The following DNAJB1 variants were observed in gnomAD, a reference collection of about 807,000 sequenced individuals.
DNAJB1 encodes DnaJ heat shock protein family (Hsp40) member B1.
Under a neutral mutation model 24.0 loss-of-function variants are expected in DNAJB1, and 14 were observed. The observed-to-expected ratio is 0.58, with a 90% CI of 0.39 to 0.91. DNAJB1 has a LOEUF of 0.91. Ranked by LOEUF, DNAJB1 falls within the 40% of genes least tolerant of loss-of-function variation. DNAJB1 has a pLI of 0.00. For synonymous variants in DNAJB1, 262 were observed against 174.4 expected, an observed-to-expected ratio of 1.50 and a Z score of -3.96; for missense variants, 517 against 458.1, an observed-to-expected ratio of 1.13 and a Z score of -1.17.
intron 1 of DNAJB1, among the ~76,000 whole-genome samples, chr19:14,535,586 A>G (rs1026026347): frequency 1.5e-3 from 61 of 41,064 alleles, no homozygotes; most frequent in Admixed American, 5.0e-3. Flanking sequence ...ATATATATAT[A>G]TATGTATGTA....
At chr19:14,545,375 C>T (rs985014975) in intron 1 of DNAJB1, among the ~76,000 whole-genome samples, 63 of 152,110 alleles carry the variant, frequency 4.1e-4, no homozygotes, top group African/African-American at 1.5e-3. Flanking sequence ...GCAGGGTCCT[C>T]CCGGGCACAC....
At chr19:14,560,048 C>T (rs997820232) in exon 1 of DNAJB1, among the ~76,000 whole-genome samples, 3 of 152,134 alleles carry the variant, frequency 2.0e-5, no homozygotes, top group East Asian at 3.9e-4. Context: ...CAGGTTTGGG[C>T]GTCTCCTCTC....
At chr19:14,557,332 G>A (rs182457978) in intron 1 of DNAJB1, among the ~76,000 whole-genome samples, 2 of 150,982 alleles carry the variant, frequency 1.3e-5, no homozygotes, top group East Asian at 3.9e-4. Context: ...TTAGAGACGG[G>A]GTTTCACCAT....
intron 1 of DNAJB1, chr19:14,527,898 CTTTTTTTTTT>C (rs2072464479): frequency 1.4e-5 from 2 of 147,934 alleles, no homozygotes; most frequent in Non-Finnish European, 3.0e-5. Context: ...CTTTTTTTTT[CTTTTTTTTTT>C]GAGACAGAAT....
At chr19:14,548,632 C>T (rs185870773) in intron 1 of DNAJB1, among the ~76,000 whole-genome samples, 19 of 152,160 alleles carry the variant, frequency 1.2e-4, no homozygotes, top group African/African-American at 2.6e-4. Flanking sequence ...GGCTGGAGTG[C>T]GGTGGTGCGA....
At chr19:14,556,244 T>G (rs1044475978) in intron 1 of DNAJB1, among the ~76,000 whole-genome samples, 4 of 152,126 alleles carry the variant, frequency 2.6e-5, no homozygotes, top group African/African-American at 9.7e-5. Flanking sequence ...CTGTTCCCTC[T>G]GCCTGGACTG....
intron 2 of DNAJB1, 61 bp downstream of exon 2, chr19:14,516,405 C>G: frequency 6.5e-7 from 1 of 1,547,962 alleles, no homozygotes; most frequent in Non-Finnish European, 8.8e-7. Context: ...TCAGCAAATA[C>G]TAAACTGCTT....
intron 1 of DNAJB1, chr19:14,529,095 T>TC (rs1260839005): frequency 6.4e-6 from 1 of 157,104 alleles, no homozygotes; most frequent in East Asian, 1.9e-4. Context: ...TTTCCTTCCC[T>TC]CCCACTCAAG....
upstream of DNAJB1, chr19:14,529,504 C>G (rs1368561423): frequency 1.3e-6 from 1 of 749,696 alleles, no homozygotes; most frequent in Non-Finnish European, 2.4e-6. Flanking sequence ...GGACCGGCCC[C>G]AAGGAGCAGG....
intron 1 of DNAJB1, among the ~76,000 whole-genome samples, chr19:14,548,647 G>A (rs1270927241): frequency 3.3e-5 from 5 of 151,740 alleles, no homozygotes; most frequent in Admixed American, 1.3e-4. Flanking sequence ...GTGCGATCTC[G>A]ACTCACTGCA....
At chr19:14,528,487 C>G (rs929934301) in intron 1 of DNAJB1, among the ~76,000 whole-genome samples, 1 of 151,956 alleles carries the variant, frequency 6.6e-6, no homozygotes, top group Non-Finnish European at 1.5e-5. Flanking sequence ...ATCTGCCCCC[C>G]TCGGCCTCCC....
chr19:14,551,815 G>GT (rs2073518603), upstream of DNAJB1, among the ~76,000 whole-genome samples: 1 of 151,618 alleles, frequency 6.6e-6, no homozygotes, highest in South Asian at 2.1e-4. Flanking sequence ...TGGGTTTTTT[G>GT]TTTTTTTGTT....
rs1263853898 is a variant in DNAJB1, at chr19:14,557,124, T to A, written c.-2165-2806A>T. ...TAGTGTTGGTCTAATCTTATTTATT[T>A]ATTTATTTATTTATTTATTTATTTA... is the stretch of plus-strand genomic sequence containing the variant. On this transcript the variant is annotated intron_variant, in intron 1 of 5. Transcript: ENST00000679223. Among the ~76,000 whole-genome samples, 414 of 142,672 alleles carry A rather than the reference T, an allele frequency of 2.9e-3. 4 individuals carry two copies. Among genetic ancestry groups the A allele is most frequent in the African/African-American group, 0.011 (398 of 36,956 alleles). 93.6% of individuals were successfully genotyped at this position (142,672 alleles called of 152,430 possible).
intron 1 of DNAJB1, among the ~76,000 whole-genome samples, chr19:14,543,748 T>A (rs1158655908): frequency 6.8e-6 from 1 of 148,020 alleles, no homozygotes; most frequent in African/African-American, 2.5e-5. Flanking sequence ...ATATATATAT[T>A]TTTAAATTGA....
rs71166750 is a variant in DNAJB1 at position 14,524,845 on chromosome 19, C to CAAAAAAAAA, written c.-90+2872_-90+2880dup. 4.5e-5 allele frequency among the ~76,000 whole-genome samples: 5 copies of CAAAAAAAAA among 112,200 alleles called. 1 individual carries two copies. Among genetic ancestry groups the CAAAAAAAAA allele is most frequent in the African/African-American group, 8.3e-5 (2 of 24,142 alleles). The allele number at this position is 112,200 out of a possible 152,430, so 73.6% of individuals were successfully genotyped here. The stretch of plus-strand genomic sequence containing the variant: ...TGGACAACAGAGCGAGACTCGTTCT[C>CAAAAAAAAA]AAAAAAAAAAGACCTTCAAAAAGCG... On this transcript the variant is annotated intron_variant, in intron 2 of 3. Transcript: ENST00000396969.
At position 14,516,992 on chromosome 19, in the gene DNAJB1, G is replaced by A. The variant is rs1254636737; in HGVS notation, c.266C>T (p.Ser89Phe). 3 of 1,611,612 alleles carry A rather than the reference G, an allele frequency of 1.9e-6. No homozygotes were observed. The highest frequency in any genetic ancestry group is 1.3e-5 in the African/African-American group (1 of 74,974). The change falls in exon 2 of 3, where the codon TCT becomes TTT. Residue 89 changes from serine to phenylalanine, a missense_variant. Transcript: ENST00000254322. ...GGSGGGANGT[S>F]FSYTFHGDPH... ...GTCTCCATGGAATGTGTAGCTGAAAGAGGTACCATTGGCACCACCGCCGCT... is the reference window on the plus strand; with the variant it reads ...GTCTCCATGGAATGTGTAGCTGAAAAAGGTACCATTGGCACCACCGCCGCT...
upstream of DNAJB1, among the ~76,000 whole-genome samples, chr19:14,551,203 G>C (rs1424932578): frequency 6.6e-6 from 1 of 151,798 alleles, no homozygotes; most frequent in Non-Finnish European, 1.5e-5. Context: ...CTCCTGAGTA[G>C]CTGGGATTAC....
Position 14,535,401 on chromosome 19 carries a change from G to C in DNAJB1, c.-213-7591C>G, listed in dbSNP as rs1599414726. Among the ~76,000 whole-genome samples the C allele has an allele frequency of 2.0e-5, 3 of 147,908 alleles. No homozygotes were observed. In the East Asian group the frequency reaches 6.1e-4, roughly 30 times the overall value. On this transcript the variant is annotated intron_variant, in intron 1 of 3. Transcript: ENST00000676982. ...TGGGTACCTGTAGTCCCAGCTACTT[G>C]GGAGGCTGAGGCAGGAGAATGGCTT... is the stretch of plus-strand genomic sequence containing the variant.
intron 1 of DNAJB1, among the ~76,000 whole-genome samples, chr19:14,543,419 A>ATAT (rs1568406034): frequency 1.4e-4 from 3 of 21,892 alleles, no homozygotes; most frequent in East Asian, 1.5e-3. Flanking sequence ...ATATATATAT[A>ATAT]TTTTTTTTTT....
Sources: gnomAD v4.1 joint callset for allele counts (sites outside exome capture counted in the v4.1 genomes callset) on GRCh38, gnomAD v4.1.1 for gene constraint, MANE v1.5 for transcripts, NCBI Gene and HGNC (gene_info 2026-07-23, HGNC 2026-07-21) for gene names.